RNF213: variants seen among roughly 807,000 people sequenced by gnomAD.
The protein encoded by RNF213 is E3 ubiquitin-protein ligase RNF213.
RNF213 carries 341 observed loss-of-function variants against 514.4 expected under a neutral mutation model. The ratio of observed to expected loss-of-function variants is 0.66; its 90% confidence interval spans 0.61 to 0.73. The LOEUF is 0.73. RNF213 is among the 30% of genes least tolerant of loss of function. The pLI, the probability that RNF213 is intolerant of heterozygous loss-of-function variation, is 0.00. For missense variants in RNF213, 5,767 were observed against 6,615.6 expected (o/e 0.87, Z 4.45); for synonymous variants, 2,655 against 2,658.2 (o/e 1.00, Z 0.04).
At chr17:80,392,621 GCT>G (rs1599229047) in intron 67 of RNF213, among the ~76,000 whole-genome samples, 1 of 150,232 alleles carries the variant, frequency 6.7e-6, no homozygotes, top group African/African-American at 2.5e-5. Context: ...TTTTTTTCTC[GCT>G]CTGTCGCCCA....
At chr17:80,315,322 T>TGGA (rs1555653555) in intron 15 of RNF213, among the ~76,000 whole-genome samples, 1 of 29,166 alleles carries the variant, frequency 3.4e-5, no homozygotes, top group African/African-American at 1.8e-4. Flanking sequence ...ATGGTGGTGG[T>TGGA]GGTGATGGTG....
At chr17:80,382,856 T>G in intron 57 of RNF213, 123 bp from the exon 58 acceptor site, 1 of 696,344 alleles carries the variant, frequency 1.4e-6, no homozygotes, top group African/African-American at 1.8e-5. Flanking sequence ...TTAGATTAAT[T>G]TAGAAAGCTA....
chr17:80,290,294 T>C (rs1375449527), intron 6 of RNF213, among the ~76,000 whole-genome samples: 1 of 152,182 alleles, frequency 6.6e-6, no homozygotes, highest in Non-Finnish European at 1.5e-5. Flanking sequence ...TGCCTGTGTG[T>C]GTGCATGTGG....
chr17:80,364,074 G>A (rs2079159347), intron 41 of RNF213, among the ~76,000 whole-genome samples: 1 of 152,164 alleles, frequency 6.6e-6, no homozygotes, highest in South Asian at 2.1e-4. Flanking sequence ...AAATGCTGTG[G>A]TAGAAAGGAC....
chr17:80,276,426 T>A (rs910576966), intron 3 of RNF213, among the ~76,000 whole-genome samples: 1 of 152,204 alleles, frequency 6.6e-6, no homozygotes, highest in Admixed American at 6.5e-5. Flanking sequence ...TTTAATGTTT[T>A]AAATTTTTTT....
rs141652600 is a variant in RNF213 at position 80,334,379 on chromosome 17, C to T, written c.4309+109C>T. The T allele has an allele frequency of 4.6e-4, 561 of 1,207,494 alleles. 4 individuals are homozygous for T. The East Asian group carries it at 9.5e-3, about 20-fold the overall frequency. The allele number at this position is 1,207,494 out of a possible 1,614,324, so 74.8% of individuals were successfully genotyped here. ...AATACCTCCCCTTGGCCAAGGACTA[C>T]GTAAAGGGCAGAAAGACGTTGCCTG... On this transcript the variant is annotated intron_variant, in intron 22 of 67. Transcript: ENST00000582970.
Position 80,291,708 on chromosome 17 carries a change from A to G in RNF213, c.1352A>G (p.Lys451Arg). 1 of 1,614,216 alleles carries G rather than the reference A, an allele frequency of 6.2e-7. No homozygotes were observed. Among genetic ancestry groups the G allele is most frequent in the East Asian group, 2.2e-5 (1 of 44,880 alleles). Residue 451 changes from lysine (K) to arginine (R), a missense_variant, in exon 8 of 68, where the codon AAG becomes AGG. Coordinates refer to ENST00000582970, the MANE Select transcript of RNF213 (RefSeq NM_001256071.3). ...KKHLDKYIPY[K>R]YVIYNGESFE... ...CACCTAGATAAATACATTCCTTACA[A>G]GTACGTCATTTATAATGGGGAATCT...
chr17:80,302,877 ACTTTCT>A (rs1476638692), intron 11 of RNF213, among the ~76,000 whole-genome samples: 1 of 152,166 alleles, frequency 6.6e-6, no homozygotes, highest in Non-Finnish European at 1.5e-5. Context: ...GTAACCACAA[ACTTTCT>A]CTTTAAGTAT....
intron 11 of RNF213, among the ~76,000 whole-genome samples, chr17:80,304,311 C>G (rs1252142611): frequency 1.3e-5 from 2 of 152,116 alleles, no homozygotes; most frequent in East Asian, 3.8e-4. Flanking sequence ...GCTGAGCCCA[C>G]TTGGGCTGTT....
chr17:80,368,717 G>A (rs1008138219), intron 44 of RNF213, among the ~76,000 whole-genome samples: 2 of 152,208 alleles, frequency 1.3e-5, no homozygotes, highest in Non-Finnish European at 2.9e-5. Context: ...ACAGGCATGA[G>A]TGACCACACC....
At chr17:80,390,471 A>G (rs1175614794) in intron 67 of RNF213, among the ~76,000 whole-genome samples, 1 of 151,010 alleles carries the variant, frequency 6.6e-6, no homozygotes, top group Non-Finnish European at 1.5e-5. Flanking sequence ...ACCTTGGCTC[A>G]CTGCAACCTC....
chr17:80,306,221 T>C, intron 11 of RNF213, 31 bp from the exon 12 acceptor site: 1 of 1,603,348 alleles, frequency 6.2e-7, no homozygotes, highest in Non-Finnish European at 8.5e-7. Flanking sequence ...TCACTGCGTC[T>C]CTTTTCTCCG....
At chr17:80,374,312 G>A (rs992343881) in intron 49 of RNF213, 146 bp from the exon 50 acceptor site, 2 of 1,026,904 alleles carry the variant, frequency 1.9e-6, no homozygotes, top group African/African-American at 1.6e-5. Flanking sequence ...GCACCAGACT[G>A]TCCTGCCTCA....
chr17:80,297,014 G>A (rs917064933), intron 10 of RNF213, among the ~76,000 whole-genome samples: 10 of 151,892 alleles, frequency 6.6e-5, no homozygotes, highest in Non-Finnish European at 8.8e-5. Context: ...AATAAACGCC[G>A]CACATTTTGA....
chr17:80,302,092 G>A (rs1307745889), intron 11 of RNF213, among the ~76,000 whole-genome samples: 9 of 152,168 alleles, frequency 5.9e-5, no homozygotes, highest in Non-Finnish European at 8.8e-5. Flanking sequence ...TGATCTTCTA[G>A]AAGGAGAGAG....
Position 80,376,969 on chromosome 17 carries a change from T to C in RNF213, c.13510+6T>C. On this transcript the variant is annotated splice_donor_region_variant and intron_variant, in intron 53 of 67. Transcript: ENST00000582970. ...GGAGCGAGTCCACTGGTACAGTAAG[T>C]GTTGGGGTCTAGATGACCCCACACT... 1.2e-6 allele frequency: 2 copies of C among 1,610,326 alleles called. No individual in the cohort carries two copies. Among genetic ancestry groups the C allele is most frequent in the Non-Finnish European group, 1.7e-6 (2 of 1,176,884 alleles).
intron 18 of RNF213, 131 bp downstream of exon 18, chr17:80,325,329 A>G: frequency 1.1e-6 from 1 of 914,754 alleles, no homozygotes; most frequent in Non-Finnish European, 1.6e-6. Context: ...CAAAGGCTGC[A>G]GTTTGGACAG....
chr17:80,367,601 T>TCAC, intron 42 of RNF213, 147 bp from the exon 43 acceptor site: 2 of 668,986 alleles, frequency 3.0e-6, no homozygotes, highest in Non-Finnish European at 5.4e-6. Flanking sequence ...GTTCAAGCGT[T>TCAC]AAACACAGGA....
chr17:80,350,505 TA>T, intron 31 of RNF213, 109 bp downstream of exon 31: 2 of 720,338 alleles, frequency 2.8e-6, no homozygotes, highest in East Asian at 2.7e-5. Context: ...AGTATAGAAA[TA>T]AAAATAACAA....
Sources: gnomAD v4.1 joint callset for allele counts (sites outside exome capture counted in the v4.1 genomes callset) on GRCh38, gnomAD v4.1.1 for gene constraint, MANE v1.5 for transcripts, NCBI Gene and HGNC (gene_info 2026-07-23, HGNC 2026-07-21) for gene names.